Variants in SCN7A observed in about 807,000 individuals in gnomAD.
The protein encoded by SCN7A is sodium channel protein type 7 subunit alpha.
In SCN7A, 138 loss-of-function variants were observed where a neutral mutation model predicts 155.2. That is an observed-to-expected ratio of 0.89 (90% CI 0.77 to 1.02). The LOEUF (loss-of-function observed/expected upper bound fraction) is 1.02. SCN7A is among the 50% of genes least tolerant of loss of function. SCN7A has a pLI of 0.00. For synonymous variants in SCN7A, 693 were observed against 649.0 expected, an observed-to-expected ratio of 1.07 and a Z score of -1.03; for missense variants, 2,058 against 1,986.6, an observed-to-expected ratio of 1.04 and a Z score of -0.68.
chr2:166,419,529 G>C (rs1414492409), intron 20 of SCN7A, among the ~76,000 whole-genome samples: 1 of 151,812 alleles, frequency 6.6e-6, no homozygotes, highest in Non-Finnish European at 1.5e-5. Flanking sequence ...ACCACACCTG[G>C]CTAATTTTTG....
At chr2:166,411,180 G>A (rs899108244) in intron 23 of SCN7A, among the ~76,000 whole-genome samples, 2 of 151,956 alleles carry the variant, frequency 1.3e-5, no homozygotes, top group Non-Finnish European at 2.9e-5. Context: ...GTTAGCCATG[G>A]TCAACCACAG....
chr2:166,408,264 T>A lies in SCN7A; in HGVS notation c.3982+1401A>T, dbSNP rs756167842. Among the ~76,000 whole-genome samples, 5 of 152,006 alleles carry A rather than the reference T, an allele frequency of 3.3e-5. 1 individual carries two copies. Among genetic ancestry groups the A allele is most frequent in the Non-Finnish European group, 7.4e-5 (5 of 67,970 alleles). ...CCTACCATTCCTTGGCTCTATAGCCTACTCATTCTTCATTCACATTCATTG... is the reference window on the plus strand; with the variant it reads ...CCTACCATTCCTTGGCTCTATAGCCAACTCATTCTTCATTCACATTCATTG... On this transcript the variant is annotated intron_variant, in intron 25 of 25. Coordinates refer to ENST00000643258, the MANE Select transcript of SCN7A (RefSeq NM_002976.4).
At chr2:166,455,331 ACC>A (rs1702250780) in intron 11 of SCN7A, among the ~76,000 whole-genome samples, 1 of 151,896 alleles carries the variant, frequency 6.6e-6, no homozygotes, top group Non-Finnish European at 1.5e-5. Context: ...TTAAAAAGAC[ACC>A]TCTAGCACTG....
intron 10 of SCN7A, among the ~76,000 whole-genome samples, chr2:166,457,783 A>T (rs1345214309): frequency 6.6e-6 from 1 of 152,212 alleles, no homozygotes; most frequent in African/African-American, 2.4e-5. Context: ...TAAAAGATTT[A>T]AAAAATTATA....
intron 17 of SCN7A, among the ~76,000 whole-genome samples, chr2:166,428,432 G>C (rs1221246516): frequency 6.6e-6 from 1 of 151,976 alleles, no homozygotes; most frequent in African/African-American, 2.4e-5. Context: ...CCAGTTCTTA[G>C]GTGGCATGAA....
At chr2:166,472,119 C>A (rs1042564468) in intron 6 of SCN7A, among the ~76,000 whole-genome samples, 198 bp downstream of exon 6, 10 of 151,702 alleles carry the variant, frequency 6.6e-5, no homozygotes, top group African/African-American at 2.4e-4. Context: ...CCCCTCCCCC[C>A]ACTCCTTTCA....
chr2:166,432,902 GT>G (rs1701764659), intron 15 of SCN7A, 150 bp from the exon 16 acceptor site: 1 of 595,896 alleles, frequency 1.7e-6, no homozygotes, highest in Non-Finnish European at 2.8e-6. Flanking sequence ...AATAACTGTA[GT>G]CACCATGCTG....
chr2:166,479,357 G>A (rs1011445787), intron 2 of SCN7A, among the ~76,000 whole-genome samples: 2 of 152,014 alleles, frequency 1.3e-5, no homozygotes, highest in African/African-American at 2.4e-5. Flanking sequence ...AGTAAATGAC[G>A]GGCAGGATAT....
intron 7 of SCN7A, among the ~76,000 whole-genome samples, chr2:166,469,456 A>T (rs577859119): frequency 6.6e-6 from 1 of 151,972 alleles, no homozygotes; most frequent in African/African-American, 2.4e-5. Context: ...ATTTTAAAAG[A>T]GGATACTTTC....
chr2:166,413,106 A>C lies in SCN7A; in HGVS notation c.3430T>G (p.Trp1144Gly). 1 of 1,527,340 alleles carries C rather than the reference A, an allele frequency of 6.5e-7. No homozygotes were observed. The highest frequency in any genetic ancestry group is 8.8e-7 in the Non-Finnish European group (1 of 1,131,502). The allele number at this position is 1,527,340 out of a possible 1,614,324, so 94.6% of individuals were successfully genotyped here. A position where few individuals can be genotyped will look rare whatever the true frequency, so the allele number is the denominator to read the frequency against. ...ATTGCTGAATTCATAATAGTGATCC[A>C]TCCATTAAATGTTGCCTGTAAAAAT... ...SLLQVATFNGWITIMNSAIDS... is the reference protein window; with the variant it reads ...SLLQVATFNGGITIMNSAIDS... Residue 1144 changes from tryptophan to glycine, a missense_variant, in exon 22 of 26, where the codon TGG becomes GGG. By Grantham distance (184) the Trp-to-Gly change is radical. Coordinates refer to ENST00000643258, the MANE Select transcript of SCN7A (RefSeq NM_002976.4).
chr2:166,460,876 A>C (rs2105474066), intron 10 of SCN7A, among the ~76,000 whole-genome samples: 1 of 152,196 alleles, frequency 6.6e-6, no homozygotes, highest in Non-Finnish European at 1.5e-5. Flanking sequence ...AAAACACTGA[A>C]GGATTTTTAG....
At chr2:166,481,504 T>G (rs555417493) in intron 2 of SCN7A, among the ~76,000 whole-genome samples, 22 of 152,282 alleles carry the variant, frequency 1.4e-4, no homozygotes, top group African/African-American at 5.3e-4. Flanking sequence ...AAGAGATGTG[T>G]TTTTGAAACA....
intron 20 of SCN7A, among the ~76,000 whole-genome samples, 188 bp downstream of exon 20, chr2:166,421,002 G>A (rs1200365683): frequency 6.6e-6 from 1 of 151,716 alleles, no homozygotes; most frequent in Non-Finnish European, 1.5e-5. Flanking sequence ...TACTTTATGA[G>A]GAATAAGAAC....
intron 21 of SCN7A, among the ~76,000 whole-genome samples, chr2:166,414,258 A>C (rs1282809275): frequency 1.5e-5 from 1 of 65,584 alleles, no homozygotes; most frequent in Non-Finnish European, 2.7e-5. Flanking sequence ...ATATATAGAT[A>C]TATATACACA....
At chr2:166,474,375 A>C in intron 3 of SCN7A, 31 bp from the exon 4 acceptor site, 1 of 966,706 alleles carries the variant, frequency 1.0e-6, no homozygotes, top group Non-Finnish European at 1.5e-6. Context: ...AAGTGAAATT[A>C]GAACTCAGAA....
At chr2:166,419,208 A>G (rs927217486) in intron 20 of SCN7A, among the ~76,000 whole-genome samples, 1 of 152,090 alleles carries the variant, frequency 6.6e-6, no homozygotes, top group African/African-American at 2.4e-5. Flanking sequence ...TGAAAATAAA[A>G]AAGAGTTTAT....
intron 11 of SCN7A, among the ~76,000 whole-genome samples, chr2:166,450,290 C>A (rs542594357): frequency 6.6e-6 from 1 of 152,000 alleles, no homozygotes; most frequent in Non-Finnish European, 1.5e-5. Flanking sequence ...AAGATGGGAA[C>A]AACAGACATC....
chr2:166,415,660 T>A (rs113218445), intron 21 of SCN7A, among the ~76,000 whole-genome samples: 1 of 152,136 alleles, frequency 6.6e-6, no homozygotes, highest in Non-Finnish European at 1.5e-5. Context: ...GTTCCCAAAT[T>A]AATACTTTTA....
chr2:166,420,032 C>T (rs1409584694), intron 20 of SCN7A, among the ~76,000 whole-genome samples: 4 of 152,006 alleles, frequency 2.6e-5, no homozygotes, highest in Non-Finnish European at 5.9e-5. Context: ...TATAATGAAT[C>T]ACGGGCTAAG....
Sources: allele counts gnomAD v4.1 joint callset (sites outside exome capture counted in the v4.1 genomes callset), GRCh38; gene constraint gnomAD v4.1.1; transcripts MANE v1.5; gene names NCBI Gene and HGNC (gene_info 2026-07-23, HGNC 2026-07-21).